Variants in TXNRD1 observed in about 807,000 individuals in gnomAD.
TXNRD1 encodes the protein thioredoxin reductase 1, cytoplasmic.
Under a neutral mutation model 80.3 loss-of-function variants are expected in TXNRD1, and 57 were observed. The observed-to-expected ratio is 0.71, with a 90% CI of 0.57 to 0.89. TXNRD1 has a LOEUF of 0.89. TXNRD1 is among the 40% of genes least tolerant of loss of function. The probability of loss-of-function intolerance (pLI) is 0.00; values close to 1 mark genes in which losing one functional copy is unlikely to be tolerated. For synonymous variants in TXNRD1, 291 were observed against 285.2 expected (o/e 1.02, Z -0.20); for missense variants, 730 against 803.0 (o/e 0.91, Z 1.10).
chr12:104,345,833 G>A (rs1416395338), intron 16 of TXNRD1, among the ~76,000 whole-genome samples: 3 of 152,162 alleles, frequency 2.0e-5, no homozygotes, highest in Admixed American at 6.5e-5. Flanking sequence ...GCTGGAAGTG[G>A]TGGGGACAGA....
chr12:104,267,673 C>CTTTCTTTCTTTCTTTG (rs1565870132), intron 3 of TXNRD1, among the ~76,000 whole-genome samples: 195 of 63,334 alleles, frequency 3.1e-3, no homozygotes, highest in Admixed American at 8.7e-3. Context: ...TTCTTTCTTT[C>CTTTCTTTCTTTCTTTG]TTTCTTTCTT....
intron 11 of TXNRD1, 42 bp downstream of exon 11, chr12:104,325,471 T>G: frequency 7.1e-7 from 1 of 1,406,608 alleles, no homozygotes; most frequent in Non-Finnish European, 1.0e-6. Context: ...AGAAAGCAAA[T>G]AACATGCTTA....
chr12:104,319,930 G>T (rs917888258), intron 9 of TXNRD1, among the ~76,000 whole-genome samples: 2 of 152,166 alleles, frequency 1.3e-5, no homozygotes, highest in African/African-American at 4.8e-5. Flanking sequence ...TTGTAAAATA[G>T]GTATGATACA....
intron 12 of TXNRD1, 113 bp from the exon 13 acceptor site, chr12:104,327,402 C>A: frequency 9.9e-7 from 1 of 1,013,048 alleles, no homozygotes; most frequent in Non-Finnish European, 1.4e-6. Flanking sequence ...CACATTAGAA[C>A]ATTGCCCTCA....
At chr12:104,253,522 G>C (rs1042620597) in intron 2 of TXNRD1, among the ~76,000 whole-genome samples, 3 of 152,146 alleles carry the variant, frequency 2.0e-5, no homozygotes, top group African/African-American at 7.2e-5. Flanking sequence ...ATTTAGAAGA[G>C]GGCTGGGCAT....
intron 3 of TXNRD1, among the ~76,000 whole-genome samples, chr12:104,277,981 A>AGCAG (rs2033792070): frequency 7.1e-6 from 1 of 140,768 alleles, no homozygotes; most frequent in Non-Finnish European, 1.5e-5. Context: ...GGTTCACTCC[A>AGCAG]TTCTCCTGCC....
At chr12:104,263,735 C>T (rs2033417060) in intron 3 of TXNRD1, among the ~76,000 whole-genome samples, 1 of 152,168 alleles carries the variant, frequency 6.6e-6, no homozygotes, top group Non-Finnish European at 1.5e-5. Context: ...CTGGATGCCA[C>T]ATGTCACTAG....
intron 3 of TXNRD1, among the ~76,000 whole-genome samples, chr12:104,278,189 CTTTTTTT>C (rs202175579): frequency 3.1e-5 from 3 of 98,292 alleles, no homozygotes; most frequent in Non-Finnish European, 5.9e-5. Flanking sequence ...TGATCAAATT[CTTTTTTT>C]TTTTTTTTTT....
At chr12:104,254,654 T>C (rs376867906) in intron 2 of TXNRD1, among the ~76,000 whole-genome samples, 2 of 33,620 alleles carry the variant, frequency 5.9e-5, no homozygotes, top group African/African-American at 1.9e-4. Context: ...AATATATATA[T>C]ATATATATAT....
chr12:104,345,883 C>A, intron 16 of TXNRD1: 1 of 1,058,184 alleles, frequency 9.5e-7, no homozygotes, highest in Non-Finnish European at 1.3e-6. Context: ...CAGCTCCTGA[C>A]CCTTGTACGA....
At chr12:104,277,087 A>G (rs2033771302) in intron 3 of TXNRD1, among the ~76,000 whole-genome samples, 1 of 151,978 alleles carries the variant, frequency 6.6e-6, no homozygotes, top group Admixed American at 6.6e-5. Context: ...GTCTCTACAA[A>G]ACATTTTTTT....
intron 4 of TXNRD1, among the ~76,000 whole-genome samples, chr12:104,294,160 C>T (rs947702894): frequency 1.6e-4 from 23 of 146,118 alleles, no homozygotes; most frequent in Non-Finnish European, 2.4e-4. Flanking sequence ...TAACTGCGGG[C>T]GAGCCTGACT....
At chr12:104,270,781 T>C (rs2033634750) in intron 3 of TXNRD1, among the ~76,000 whole-genome samples, 1 of 152,042 alleles carries the variant, frequency 6.6e-6, no homozygotes, top group African/African-American at 2.4e-5. Flanking sequence ...CAACATTGAA[T>C]CCTGTCAAGC....
At chr12:104,292,340 A>AGTTCTTT (rs2135753741) in intron 4 of TXNRD1, among the ~76,000 whole-genome samples, 1 of 151,918 alleles carries the variant, frequency 6.6e-6, no homozygotes, top group East Asian at 1.9e-4. Context: ...GCTTTACCCG[A>AGTTCTTT]GTTCTTTTGA....
At chr12:104,237,279 A>C (rs1221929034) in intron 1 of TXNRD1, among the ~76,000 whole-genome samples, 1 of 152,210 alleles carries the variant, frequency 6.6e-6, no homozygotes, top group Non-Finnish European at 1.5e-5. Context: ...GTTATAAATC[A>C]GAGAAGCATG....
intron 3 of TXNRD1, among the ~76,000 whole-genome samples, chr12:104,267,165 C>CT (rs2033511241): frequency 1.9e-5 from 1 of 53,862 alleles, no homozygotes; most frequent in Non-Finnish European, 3.8e-5. Flanking sequence ...GACTCCCTCT[C>CT]AAAAAAAAAA....
At chr12:104,271,200 T>TC (rs1240307921) in intron 3 of TXNRD1, among the ~76,000 whole-genome samples, 1 of 149,946 alleles carries the variant, frequency 6.7e-6, no homozygotes, top group African/African-American at 2.5e-5. Flanking sequence ...TTTTTTTTTT[T>TC]TGTGAGACGG....
rs974767682 is a variant in TXNRD1, at chr12:104,220,744, G to C, written c.91+4851G>C. ...CCGTCTCCAAAAAAAAAAAAACGGT[G>C]GGGGGGAGGCGGTATTTTAGATTTA... On this transcript the variant is annotated intron_variant, in intron 1 of 16. Coordinates refer to ENST00000525566, the MANE Select transcript of TXNRD1 (RefSeq NM_001093771.3). Among the ~76,000 whole-genome samples, 15 of 3,060 alleles carry C rather than the reference G, an allele frequency of 4.9e-3. No homozygotes were observed. In the African/African-American group the frequency reaches 0.053, roughly 11 times the overall value. The allele number at this position is 3,060 out of a possible 152,430, so 2.0% of individuals were successfully genotyped here. A position where few individuals can be genotyped will look rare whatever the true frequency, so the allele number is the denominator to read the frequency against.
intron 4 of TXNRD1, chr12:104,291,022 T>C: frequency 1.5e-6 from 1 of 680,464 alleles, no homozygotes; most frequent in Non-Finnish European, 2.6e-6. Context: ...TTGTCCAGGC[T>C]GGTCTTGAAC....
Sources: allele counts gnomAD v4.1 joint callset (sites outside exome capture counted in the v4.1 genomes callset), GRCh38; gene constraint gnomAD v4.1.1; transcripts MANE v1.5; gene names NCBI Gene and HGNC (gene_info 2026-07-23, HGNC 2026-07-21).